RALY: variants seen among roughly 807,000 people sequenced by gnomAD.
The protein encoded by RALY is RALY heterogeneous nuclear ribonucleoprotein.
A neutral mutation model predicts 30.7 loss-of-function variants in RALY; 15 were observed. The observed-to-expected ratio is 0.49, with a 90% confidence interval of 0.33 to 0.75. The LOEUF is 0.75. RALY is among the 30% of genes least tolerant of loss of function. The pLI, the probability that RALY is intolerant of heterozygous loss-of-function variation, is 0.02. For missense variants in RALY, 339 were observed against 414.3 expected (o/e 0.82, Z 1.58); for synonymous variants, 177 against 170.8 (o/e 1.04, Z -0.28).
intron 1 of RALY, among the ~76,000 whole-genome samples, chr20:34,022,333 C>G (rs2031860566): frequency 6.6e-6 from 1 of 152,004 alleles, no homozygotes; most frequent in Admixed American, 6.6e-5. Context: ...AAATCTGGAT[C>G]ATAGTATGAG....
At chr20:34,070,744 T>C (rs1254787498) in intron 2 of RALY, among the ~76,000 whole-genome samples, 2 of 152,214 alleles carry the variant, frequency 1.3e-5, no homozygotes, top group South Asian at 2.1e-4. Flanking sequence ...TGACATTAAC[T>C]TGTGGGATCT....
intron 2 of RALY, among the ~76,000 whole-genome samples, chr20:34,036,096 T>C (rs1302161675): frequency 6.6e-5 from 10 of 151,774 alleles, no homozygotes; most frequent in Non-Finnish European, 1.0e-4. Context: ...TAGGAAGACA[T>C]TGGAGAGTTT....
At position 34,011,554 on chromosome 20, in the gene RALY, G is replaced by A. The variant is rs6059626; in HGVS notation, c.-93+17423G>A. Reference sequence around the variant, plus strand: ...TGGTGTCAGGGATATCTCCTATTCTGAGTCTGGCTCCTTCAGATTTGAAAC... The same window carrying A: ...TGGTGTCAGGGATATCTCCTATTCTAAGTCTGGCTCCTTCAGATTTGAAAC... On this transcript the variant is annotated intron_variant, in intron 1 of 9. Coordinates refer to ENST00000246194, the MANE Select transcript of RALY (RefSeq NM_016732.3). Among the ~76,000 whole-genome samples the A allele has an allele frequency of 5.6e-3, 852 of 152,320 alleles. 10 individuals carry two copies. Among genetic ancestry groups the A allele is most frequent in the African/African-American group, 0.019 (805 of 41,566 alleles).
At chr20:34,026,109 A>G (rs2032023731) in intron 1 of RALY, among the ~76,000 whole-genome samples, 1 of 151,266 alleles carries the variant, frequency 6.6e-6, no homozygotes. Context: ...TTGTCTTCTG[A>G]CCTCTGCAGG....
At chr20:34,025,442 G>A (rs1205279796) in intron 1 of RALY, among the ~76,000 whole-genome samples, 1 of 151,962 alleles carries the variant, frequency 6.6e-6, no homozygotes, top group African/African-American at 2.4e-5. Flanking sequence ...GGGACTACAG[G>A]CATGCACCAC....
At chr20:34,032,987 A>G (rs1355673381) in intron 2 of RALY, among the ~76,000 whole-genome samples, 1 of 152,132 alleles carries the variant, frequency 6.6e-6, no homozygotes, top group Non-Finnish European at 1.5e-5. Flanking sequence ...GAAAGATAGG[A>G]AGAACCTTCA....
chr20:33,994,566 G>T (rs1239056579), intron 1 of RALY, among the ~76,000 whole-genome samples: 2 of 152,246 alleles, frequency 1.3e-5, no homozygotes, highest in Admixed American at 6.5e-5. Flanking sequence ...TCCTAACCCG[G>T]ACTGGGTCTA....
intron 2 of RALY, among the ~76,000 whole-genome samples, chr20:34,056,372 A>T (rs1479710281): frequency 6.6e-6 from 1 of 152,144 alleles, no homozygotes; most frequent in African/African-American, 2.4e-5. Context: ...TCTGTCCCTT[A>T]GGTAATTGAC....
intron 2 of RALY, among the ~76,000 whole-genome samples, chr20:34,034,050 C>T (rs1475303328): frequency 6.6e-6 from 1 of 152,188 alleles, no homozygotes; most frequent in African/African-American, 2.4e-5. Context: ...TACAGCAGTT[C>T]CCAAGAGCCC....
At chr20:34,011,285 A>G (rs1451475264) in intron 1 of RALY, among the ~76,000 whole-genome samples, 4 of 152,324 alleles carry the variant, frequency 2.6e-5, no homozygotes, top group Non-Finnish European at 5.9e-5. Flanking sequence ...AGGCCCTTTG[A>G]CTTCTACCCC....
intron 1 of RALY, among the ~76,000 whole-genome samples, chr20:34,009,271 G>A (rs998583615): frequency 7.9e-5 from 12 of 151,676 alleles, no homozygotes; most frequent in African/African-American, 2.2e-4. Context: ...ACGGAGTCTC[G>A]CTCTGTCACC....
chr20:34,006,985 A>G (rs751617936), intron 1 of RALY, among the ~76,000 whole-genome samples: 13 of 152,208 alleles, frequency 8.5e-5, no homozygotes, highest in Middle Eastern at 6.8e-3. Context: ...TTGCATTCCT[A>G]TGGTGTGTTT....
intron 2 of RALY, among the ~76,000 whole-genome samples, chr20:34,035,756 C>G (rs910061647): frequency 2.0e-5 from 3 of 152,156 alleles, no homozygotes; most frequent in African/African-American, 7.2e-5. Flanking sequence ...ATAGTTTTCT[C>G]TCTGTAGTTT....
At chr20:34,072,646 G>T (rs543379994) in intron 3 of RALY, among the ~76,000 whole-genome samples, 2 of 152,176 alleles carry the variant, frequency 1.3e-5, no homozygotes, top group African/African-American at 2.4e-5. Context: ...GTTACACCGG[G>T]TACAGATGAC....
chr20:34,050,267 A>G (rs1028640537), intron 2 of RALY, among the ~76,000 whole-genome samples: 11 of 152,200 alleles, frequency 7.2e-5, no homozygotes, highest in South Asian at 2.1e-4. Context: ...AACTTGCAGA[A>G]TGTAGGTTCC....
At chr20:34,050,039 G>T (rs781558260) in intron 2 of RALY, among the ~76,000 whole-genome samples, 5 of 152,122 alleles carry the variant, frequency 3.3e-5, no homozygotes, top group Non-Finnish European at 7.3e-5. Context: ...GATCATGTGC[G>T]CCCGTGCTCC....
chr20:34,042,882 G>T (rs989832163), intron 2 of RALY, among the ~76,000 whole-genome samples: 1 of 152,208 alleles, frequency 6.6e-6, no homozygotes, highest in Non-Finnish European at 1.5e-5. Flanking sequence ...AGTGTCAGAT[G>T]ACTTAGTTCA....
In RALY at chr20:34,080,400, G is replaced by C. The variant is rs2034009918; in HGVS notation, c.*495G>C. On this transcript the variant is annotated 3_prime_UTR_variant, in exon 10 of 10. Coordinates refer to ENST00000246194, the MANE Select transcript of RALY (RefSeq NM_016732.3). The stretch of plus-strand genomic sequence containing the variant: ...TCAGTGGTGATTAAAATGGCCAGTG[G>C]GGCCACTGGGGAGGGTTGGATATGC... The C allele has an allele frequency of 6.6e-6, 1 of 152,256 alleles. No homozygotes were observed. Among genetic ancestry groups the C allele is most frequent in the Non-Finnish European group, 1.5e-5 (1 of 68,168 alleles). 9.4% of individuals were successfully genotyped at this position (152,256 alleles called of 1,614,324 possible). A position where few individuals can be genotyped will look rare whatever the true frequency, so the allele number is the denominator to read the frequency against.
At chr20:34,052,845 C>A (rs1054527792) in intron 2 of RALY, among the ~76,000 whole-genome samples, 2 of 152,080 alleles carry the variant, frequency 1.3e-5, no homozygotes, top group African/African-American at 4.8e-5. Context: ...TAAAAAAGAT[C>A]CTGAGAGGGG....
Sources: allele counts gnomAD v4.1 joint callset (sites outside exome capture counted in the v4.1 genomes callset), GRCh38; gene constraint gnomAD v4.1.1; transcripts MANE v1.5; gene names NCBI Gene and HGNC (gene_info 2026-07-23, HGNC 2026-07-21).